KLHL25: variants seen among roughly 807,000 people sequenced by gnomAD.
KLHL25 encodes the protein kelch like family member 25.
KLHL25 carries 41 observed loss-of-function variants against 30.0 expected under a neutral mutation model. The ratio of observed to expected loss-of-function variants is 1.37; its 90% confidence interval spans 1.07 to 1.78. KLHL25 has a LOEUF of 1.78. Among genes scored for constraint, KLHL25 ranks in the 40% most tolerant of loss-of-function variants. KLHL25 has a pLI of 0.00. For synonymous variants in KLHL25, 399 were observed against 355.3 expected, an observed-to-expected ratio of 1.12 and a Z score of -1.38; for missense variants, 971 against 824.5, an observed-to-expected ratio of 1.18 and a Z score of -2.18.
chr15:85,771,703 C>T (rs1020668057), intron 1 of KLHL25, among the ~76,000 whole-genome samples: 13 of 152,314 alleles, frequency 8.5e-5, no homozygotes, highest in Non-Finnish European at 1.2e-4. Context: ...CACAGGGCTC[C>T]GAGGCTATAT....
At chr15:85,784,960 CTAGTCATAATGTA>C (rs2089770905) in intron 1 of KLHL25, among the ~76,000 whole-genome samples, 1 of 152,178 alleles carries the variant, frequency 6.6e-6, no homozygotes, top group Admixed American at 6.5e-5. Flanking sequence ...CACCTGGCCT[CTAGTCATAATGTA>C]TAGACATTAA....
chr15:85,779,475 G>C (rs1343225586), intron 1 of KLHL25, among the ~76,000 whole-genome samples: 1 of 152,126 alleles, frequency 6.6e-6, no homozygotes, highest in African/African-American at 2.4e-5. Context: ...CAATGAGGAG[G>C]GTGGGTGCAA....
chr15:85,779,812 T>C (rs2089732407), intron 1 of KLHL25, among the ~76,000 whole-genome samples: 1 of 152,234 alleles, frequency 6.6e-6, no homozygotes, highest in Non-Finnish European at 1.5e-5. Context: ...CTGTAAATTG[T>C]AATGTCTGTG....
chr15:85,766,474 G>A (rs927157419), intron 2 of KLHL25, among the ~76,000 whole-genome samples: 2 of 152,312 alleles, frequency 1.3e-5, no homozygotes, highest in Non-Finnish European at 2.9e-5. Context: ...GGCTGGCCGG[G>A]ATACCCTCTC....
Position 85,768,939 on chromosome 15 carries a change from C to G in KLHL25, c.872G>C (p.Arg291Pro). ...GATGAGTAGCGTGTGGCCCGCCTTGCGTGGCCGGGCACAGGGGCTGGTGAC... is the reference window on the plus strand; with the variant it reads ...GATGAGTAGCGTGTGGCCCGCCTTGGGTGGCCGGGCACAGGGGCTGGTGAC... ...GVVTSPCARP[R>P]KAGHTLLILG... The change falls in exon 2 of 3, where the codon CGC becomes CCC. Residue 291 changes from arginine to proline, a missense_variant. Transcript: ENST00000337975. 6.2e-7 allele frequency: 1 copy of G among 1,613,286 alleles called. No individual in the cohort carries two copies. The highest frequency in any genetic ancestry group is 2.2e-5 in the East Asian group (1 of 44,868).
At position 85,769,313 on chromosome 15, in the gene KLHL25, C is replaced by T. The variant is rs765587561; in HGVS notation, c.498G>A (p.Glu166=). The T allele has an allele frequency of 3.1e-6, 5 of 1,614,102 alleles. No homozygotes were observed. The East Asian group carries it at 1.1e-4, about 36-fold the overall frequency. Residue 166 remains glutamate (E), a synonymous_variant, in exon 2 of 3, where the codon GAG becomes GAA. Coordinates refer to ENST00000337975, the MANE Select transcript of KLHL25 (RefSeq NM_022480.4). ...GCACCAGGCACATGCGCCAGGAGAA[C>T]TCATACAGCCGGCGGCACTGGTGGG... ...SDAHQCRRLY[E]FSWRMCLVHF... is the part of the protein sequence containing the mutation.
intron 2 of KLHL25, among the ~76,000 whole-genome samples, chr15:85,765,127 A>C (rs551871301): frequency 2.0e-5 from 3 of 152,314 alleles, no homozygotes; most frequent in Non-Finnish European, 4.4e-5. Flanking sequence ...GGCCAGCAGC[A>C]TGGGCCCCCT....
At position 85,769,149 on chromosome 15, in the gene KLHL25, T is replaced by C. The variant is rs1446636459; in HGVS notation, c.662A>G (p.Asp221Gly). Residue 221 changes from aspartate to glycine, a missense_variant, in exon 2 of 3, where the codon GAC (aspartate) becomes GGC (glycine). Physicochemically the swap from Asp to Gly is moderately conservative, Grantham distance 94. Coordinates refer to ENST00000337975, the MANE Select transcript of KLHL25 (RefSeq NM_022480.4). ...CAAGTGGACCTTCCGTGGCTCCAGG[T>C]CGTGCTTCACCCACTGGAGGATGGC... ...FEAILQWVKH[D>G]LEPRKVHLPE... The C allele has an allele frequency of 1.2e-6, 2 of 1,612,076 alleles. No homozygotes were observed. The highest frequency in any genetic ancestry group is 1.7e-6 in the Non-Finnish European group (2 of 1,178,952).
At chr15:85,794,412 C>T (rs2089837958) in intron 1 of KLHL25, among the ~76,000 whole-genome samples, 1 of 152,224 alleles carries the variant, frequency 6.6e-6, no homozygotes, top group Non-Finnish European at 1.5e-5. Flanking sequence ...TTTCCAGGAT[C>T]AATAGTAATT....
At chr15:85,776,910 G>T (rs1002882695) in intron 1 of KLHL25, among the ~76,000 whole-genome samples, 9 of 151,146 alleles carry the variant, frequency 6.0e-5, no homozygotes, top group Non-Finnish European at 1.3e-4. Context: ...GGGGGACACA[G>T]CAAGACTCCA....
At chr15:85,793,380 G>A (rs11634553) in intron 1 of KLHL25, among the ~76,000 whole-genome samples, 30,045 of 152,086 alleles carry the variant, frequency 0.2, 3,124 homozygotes, top group Middle Eastern at 0.3. Flanking sequence ...ATAGCTGCCA[G>A]GCCGGAAAAA....
Position 85,768,996 on chromosome 15 carries a change from C to A in KLHL25, c.815G>T (p.Cys272Phe). ...TKLIMDEALR[C>F]KTRILQNDGV... ...ATCATTCTGCAGGATCCTGGTCTTG[C>A]AGCGCAGGGCCTCATCCATGATAAG... The change falls in exon 2 of 3, where the codon TGC becomes TTC. Residue 272 changes from cysteine (C) to phenylalanine (F), a missense_variant. Cys to Phe is a radical substitution (Grantham distance 205). Coordinates refer to ENST00000337975, the MANE Select transcript of KLHL25 (RefSeq NM_022480.4). 1 of 1,612,230 alleles carries A rather than the reference C, an allele frequency of 6.2e-7. No individual in the cohort carries two copies. Among genetic ancestry groups the A allele is most frequent in the Non-Finnish European group, 8.5e-7 (1 of 1,179,894 alleles).
chr15:85,773,146 G>A (rs1355191354), intron 1 of KLHL25, among the ~76,000 whole-genome samples: 1 of 152,244 alleles, frequency 6.6e-6, no homozygotes, highest in African/African-American at 2.4e-5. Flanking sequence ...TGCACAGGAG[G>A]CCCAGAAAGG....
At chr15:85,785,328 C>T (rs770533874) in intron 1 of KLHL25, among the ~76,000 whole-genome samples, 2 of 152,130 alleles carry the variant, frequency 1.3e-5, no homozygotes, top group South Asian at 2.1e-4. Flanking sequence ...CTCCTGACCT[C>T]GTGATCTGCC....
intron 1 of KLHL25, among the ~76,000 whole-genome samples, chr15:85,774,793 A>G (rs1048283996): frequency 3.3e-5 from 5 of 151,998 alleles, no homozygotes; most frequent in African/African-American, 1.2e-4. Context: ...TTATCTCTGG[A>G]GCTCAGGGCC....
intron 1 of KLHL25, among the ~76,000 whole-genome samples, chr15:85,776,677 G>A (rs746776207): frequency 5.3e-5 from 8 of 152,234 alleles, no homozygotes; most frequent in Middle Eastern, 3.4e-3. Context: ...TGTAATACCA[G>A]CACTTTGGGA....
chr15:85,771,022 G>T, intron 1 of KLHL25: 1 of 196,528 alleles, frequency 5.1e-6, no homozygotes, highest in South Asian at 8.5e-5. Context: ...CCATCTCGAA[G>T]ACCACAGCTA....
intron 1 of KLHL25, among the ~76,000 whole-genome samples, chr15:85,786,570 T>C (rs1483743511): frequency 6.6e-6 from 1 of 152,234 alleles, no homozygotes; most frequent in Non-Finnish European, 1.5e-5. Context: ...TCCTGGCTCA[T>C]TTCTTTATTC....
At chr15:85,793,330 C>A (rs2089829462) in intron 1 of KLHL25, among the ~76,000 whole-genome samples, 1 of 152,182 alleles carries the variant, frequency 6.6e-6, no homozygotes, top group South Asian at 2.1e-4. Flanking sequence ...TTTTATCAAC[C>A]ACCCTGGAGT....
Sources: allele counts gnomAD v4.1 joint callset (sites outside exome capture counted in the v4.1 genomes callset), GRCh38; gene constraint gnomAD v4.1.1; transcripts MANE v1.5; gene names NCBI Gene and HGNC (gene_info 2026-07-23, HGNC 2026-07-21).